Variants in EYS observed in about 807,000 individuals in gnomAD.
EYS encodes protein eyes shut homolog.
Under a neutral mutation model 282.1 loss-of-function variants are expected in EYS, and 250 were observed. The ratio of observed to expected loss-of-function variants is 0.89; its 90% CI spans 0.80 to 0.98. The LOEUF is 0.98. Ranked by LOEUF, EYS falls within the 50% of genes least tolerant of loss-of-function variation. The pLI is 0.00. For synonymous variants in EYS, 1,355 were observed against 1,282.9 expected, an observed-to-expected ratio of 1.06 and a Z score of -1.20; for missense variants, 4,016 against 3,709.0, an observed-to-expected ratio of 1.08 and a Z score of -2.15.
chr6:64,289,822 C>A (rs1768635156), intron 30 of EYS, among the ~76,000 whole-genome samples: 1 of 152,000 alleles, frequency 6.6e-6, no homozygotes, highest in Non-Finnish European at 1.5e-5. Flanking sequence ...CTTGCTGGGG[C>A]TGAATAGTAT....
intron 1 of EYS, among the ~76,000 whole-genome samples, chr6:65,703,150 C>T (rs527664801): frequency 6.6e-6 from 1 of 152,216 alleles, no homozygotes; most frequent in South Asian, 2.1e-4. Flanking sequence ...TGCACAATCC[C>T]ATGAACCAAT....
intron 12 of EYS, among the ~76,000 whole-genome samples, chr6:65,218,755 G>A (rs1164453538): frequency 6.6e-6 from 1 of 152,014 alleles, no homozygotes; most frequent in Non-Finnish European, 1.5e-5. Context: ...TGTTAAATAT[G>A]TGTCATATAA....
chr6:64,085,957 C>T (rs528372074), intron 31 of EYS, among the ~76,000 whole-genome samples: 1 of 152,312 alleles, frequency 6.6e-6, no homozygotes, highest in South Asian at 2.1e-4. Flanking sequence ...AATACTAAGC[C>T]GTCATTTTTA....
intron 1 of EYS, among the ~76,000 whole-genome samples, chr6:65,696,042 T>C (rs946332588): frequency 6.6e-6 from 1 of 152,058 alleles, no homozygotes; most frequent in South Asian, 2.1e-4. Flanking sequence ...CAGGAGAATA[T>C]ATAAAAGGTA....
chr6:65,607,476 C>T (rs571696216), intron 2 of EYS, among the ~76,000 whole-genome samples: 125 of 151,812 alleles, frequency 8.2e-4, no homozygotes, highest in African/African-American at 2.8e-3. Context: ...TTTCCTCACG[C>T]CTTCTATTTA....
At chr6:64,450,036 G>C (rs574491955) in intron 26 of EYS, among the ~76,000 whole-genome samples, 3 of 151,996 alleles carry the variant, frequency 2.0e-5, no homozygotes, top group African/African-American at 7.3e-5. Context: ...TGGGATAAAT[G>C]CTCCAATTAA....
At chr6:64,568,212 CA>C (rs1765619953) in intron 26 of EYS, among the ~76,000 whole-genome samples, 2 of 152,066 alleles carry the variant, frequency 1.3e-5, no homozygotes, top group African/African-American at 4.8e-5. Flanking sequence ...CAGAAAAGAA[CA>C]GACCCAACAG....
chr6:65,682,052 T>A (rs1768844576), intron 1 of EYS, among the ~76,000 whole-genome samples: 1 of 151,980 alleles, frequency 6.6e-6, no homozygotes, highest in African/African-American at 2.4e-5. Flanking sequence ...TCCTGCCTTT[T>A]GTTTCAGTGG....
At chr6:65,701,355 T>C (rs1331294772) in intron 1 of EYS, among the ~76,000 whole-genome samples, 2 of 152,190 alleles carry the variant, frequency 1.3e-5, no homozygotes, top group African/African-American at 4.8e-5. Flanking sequence ...GTCATATTAA[T>C]ACTGGGAGAA....
intron 22 of EYS, among the ~76,000 whole-genome samples, chr6:64,702,418 A>C (rs954957947): frequency 3.3e-5 from 5 of 152,230 alleles, no homozygotes; most frequent in African/African-American, 1.2e-4. Flanking sequence ...ATAAAATTTA[A>C]AACTGTATAA....
At chr6:64,462,382 C>T (rs1237371827) in intron 26 of EYS, among the ~76,000 whole-genome samples, 1 of 152,162 alleles carries the variant, frequency 6.6e-6, no homozygotes, top group African/African-American at 2.4e-5. Flanking sequence ...GTACATCTCA[C>T]TGGGCTCAGT....
Position 65,403,625 on chromosome 6 carries a change from A to G in EYS, c.1057-1020T>C, listed in dbSNP as rs181102150. On this transcript the variant is annotated intron_variant, in intron 6 of 42. Transcript: ENST00000503581. Reference sequence around the variant, plus strand: ...GGTAGCAGTACAAATGATAACATGTACAATTTTCCAAGTAATTTATCTACA... The same window carrying G: ...GGTAGCAGTACAAATGATAACATGTGCAATTTTCCAAGTAATTTATCTACA... 1.0e-3 allele frequency among the ~76,000 whole-genome samples: 152 copies of G among 152,182 alleles called. 1 individual carries two copies. The highest frequency in any genetic ancestry group is 2.0e-3 in the Admixed American group (31 of 15,230).
At chr6:64,134,831 G>A (rs540823376) in intron 31 of EYS, among the ~76,000 whole-genome samples, 46 of 152,018 alleles carry the variant, frequency 3.0e-4, no homozygotes, top group Non-Finnish European at 5.7e-4. Context: ...CAGGTAAGGC[G>A]TGAGGTTGAC....
At chr6:65,291,348 G>A (rs1325777998) in intron 12 of EYS, among the ~76,000 whole-genome samples, 1 of 151,566 alleles carries the variant, frequency 6.6e-6, no homozygotes, top group Admixed American at 6.6e-5. Flanking sequence ...ACTGTTGGTT[G>A]AAGTGTAAAT....
chr6:65,453,781 T>G (rs181602095), intron 5 of EYS, among the ~76,000 whole-genome samples: 12 of 152,118 alleles, frequency 7.9e-5, no homozygotes, highest in Admixed American at 7.2e-4. Flanking sequence ...CATGCAATAG[T>G]TGTCTGTCTG....
At chr6:64,961,834 A>C (rs1038562072) in intron 14 of EYS, among the ~76,000 whole-genome samples, 1 of 152,144 alleles carries the variant, frequency 6.6e-6, no homozygotes, top group African/African-American at 2.4e-5. Flanking sequence ...TTATTTATAA[A>C]ACTAGAAAAA....
intron 1 of EYS, among the ~76,000 whole-genome samples, chr6:65,706,111 G>A (rs1769868278): frequency 6.6e-6 from 1 of 151,492 alleles, no homozygotes; most frequent in African/African-American, 2.4e-5. Flanking sequence ...CATTTCATAT[G>A]TATTTTAGAA....
intron 2 of EYS, among the ~76,000 whole-genome samples, chr6:65,510,739 G>C (rs927190084): frequency 8.5e-5 from 13 of 152,218 alleles, no homozygotes; most frequent in South Asian, 6.2e-4. Context: ...CTTGAAGTAT[G>C]TCAGTTTTCA....
intron 13 of EYS, among the ~76,000 whole-genome samples, chr6:65,020,175 G>A (rs532458609): frequency 1.7e-4 from 26 of 152,136 alleles, no homozygotes; most frequent in African/African-American, 5.8e-4. Context: ...ATGCCCTTAC[G>A]ATAGTACCCC....
Sources: allele counts gnomAD v4.1 joint callset (sites outside exome capture counted in the v4.1 genomes callset), GRCh38; gene constraint gnomAD v4.1.1; transcripts MANE v1.5; gene names NCBI Gene and HGNC (gene_info 2026-07-23, HGNC 2026-07-21).